LIG1: variants seen among roughly 807,000 people sequenced by gnomAD.
The protein encoded by LIG1 is ligase I, DNA, ATP-dependent.
A neutral mutation model predicts 115.7 loss-of-function variants in LIG1; 70 were observed. That is an observed-to-expected ratio of 0.60 (90% CI 0.50 to 0.74). The LOEUF is 0.74. Ranked by LOEUF, LIG1 falls within the 30% of genes least tolerant of loss-of-function variation. LIG1 has a pLI of 0.00. For missense variants in LIG1, 1,115 were observed against 1,225.6 expected (o/e 0.91, Z 1.35); for synonymous variants, 487 against 495.3 (o/e 0.98, Z 0.22).
intron 21 of LIG1, among the ~76,000 whole-genome samples, chr19:48,125,842 G>A (rs1009175320): frequency 1.3e-5 from 2 of 151,774 alleles, no homozygotes; most frequent in Admixed American, 6.6e-5. Context: ...CAAAAAATTC[G>A]CCAGGCGTGG....
chr19:48,116,165 C>T (rs1037227242), intron 26 of LIG1, 200 bp from the exon 27 acceptor site: 5 of 590,136 alleles, frequency 8.5e-6, no homozygotes, highest in Admixed American at 2.4e-5. Context: ...GCCTGTTGGC[C>T]GGGTGCGGTG....
At chr19:48,153,817 G>C in intron 6 of LIG1, 55 bp downstream of exon 6, 1 of 168,656 alleles carries the variant, frequency 5.9e-6, no homozygotes, top group South Asian at 5.0e-5. Context: ...CTTCCTCTTG[G>C]CTTCACACAC....
chr19:48,141,012 A>G (rs1200393656), intron 11 of LIG1, among the ~76,000 whole-genome samples: 2 of 152,192 alleles, frequency 1.3e-5, no homozygotes, highest in African/African-American at 4.8e-5. Flanking sequence ...AGGTGAACCC[A>G]CCGGACGGTT....
At chr19:48,134,344 TAC>T (rs1195997150) in intron 16 of LIG1, among the ~76,000 whole-genome samples, 3 of 152,162 alleles carry the variant, frequency 2.0e-5, no homozygotes, top group Non-Finnish European at 4.4e-5. Context: ...CACTCAAGAA[TAC>T]AGTTTTTAAA....
chr19:48,124,620 TCATCACACATTGAAAGGATAATATC>T (rs1434363860), intron 21 of LIG1, among the ~76,000 whole-genome samples: 1 of 152,238 alleles, frequency 6.6e-6, no homozygotes, highest in Non-Finnish European at 1.5e-5. Context: ...TTTCTTATAT[TCATCACACATTGAAAGGATAATATC>T]TTAGACATTG....
rs3730862 is a variant in LIG1, at chr19:48,161,541, G to A, written c.108-34C>T. 0.37 allele frequency: 588,554 copies of A among 1,609,750 alleles called. 112,434 individuals are homozygous for A. Among genetic ancestry groups the A allele is most frequent in the East Asian group, 0.56 (25,126 of 44,746 alleles). ...TGGGGAAATGGGGGTGTAAAGGGGC[G>A]ACTACAGCAGGCAGAGTGGGGGCAC... On this transcript the variant is annotated intron_variant, in intron 3 of 27. Transcript: ENST00000263274.
At chr19:48,148,078 C>T (rs1433084839) in intron 9 of LIG1, among the ~76,000 whole-genome samples, 4 of 140,218 alleles carry the variant, frequency 2.9e-5, no homozygotes, top group South Asian at 2.3e-4. Flanking sequence ...GAGAGGCACC[C>T]GGCTTCCCTA....
At chr19:48,133,300 G>A in intron 17 of LIG1, 1 of 595,844 alleles carries the variant, frequency 1.7e-6, no homozygotes, top group Non-Finnish European at 3.0e-6. Flanking sequence ...GAAAGGCCAT[G>A]TGATTGGAAC....
At chr19:48,138,512 C>T (rs377400770) in intron 12 of LIG1, among the ~76,000 whole-genome samples, 2 of 152,164 alleles carry the variant, frequency 1.3e-5, no homozygotes, top group Non-Finnish European at 2.9e-5. Context: ...ATGGGAGAGC[C>T]GACAGTGTGA....
intron 25 of LIG1, among the ~76,000 whole-genome samples, chr19:48,118,275 A>T (rs78608494): frequency 0.014 from 2,192 of 152,218 alleles, 62 homozygotes; most frequent in African/African-American, 0.049. Context: ...ATAGCTCCCA[A>T]AATCCCCATG....
chr19:48,143,415 T>C, intron 11 of LIG1, 128 bp downstream of exon 11: 1 of 872,020 alleles, frequency 1.1e-6, no homozygotes. Flanking sequence ...ACATCCATGA[T>C]CATACGCCCG....
intron 23 of LIG1, among the ~76,000 whole-genome samples, chr19:48,121,528 A>G (rs3731023): frequency 0.011 from 1,691 of 152,296 alleles, 38 homozygotes; most frequent in African/African-American, 0.037. Context: ...GGGGCCGGGC[A>G]CGGTGGCTCA....
intron 19 of LIG1, 58 bp from the exon 20 acceptor site, chr19:48,128,078 A>C (rs1239874063): frequency 7.5e-6 from 10 of 1,327,460 alleles, no homozygotes; most frequent in Non-Finnish European, 1.1e-5. Context: ...AGGTGGAAAG[A>C]CAAACACGGG....
chr19:48,169,044 GAAGCACTGATAC>G (rs2036624745), intron 1 of LIG1, among the ~76,000 whole-genome samples: 1 of 152,150 alleles, frequency 6.6e-6, no homozygotes, highest in South Asian at 2.1e-4. Context: ...AAAAAGAAAC[GAAGCACTGATAC>G]AAGCAACAAC....
chr19:48,116,083 G>A, intron 26 of LIG1, 118 bp from the exon 27 acceptor site: 2 of 761,436 alleles, frequency 2.6e-6, no homozygotes, highest in Non-Finnish European at 2.3e-6. Context: ...ACGATGGGTT[G>A]TCATAAGGAT....
At position 48,119,270 on chromosome 19, in the gene LIG1, A is replaced by C. The variant is rs1344713365; in HGVS notation, c.2386-80T>G. Reference sequence around the variant, plus strand: ...GCTCCTGCCATCTAAAGCTGTGTACACTCATGGCCCCCACCCCACTCTGGT... The same window carrying C: ...GCTCCTGCCATCTAAAGCTGTGTACCCTCATGGCCCCCACCCCACTCTGGT... On this transcript the variant is annotated intron_variant, in intron 24 of 27. Coordinates refer to ENST00000263274, the MANE Select transcript of LIG1 (RefSeq NM_000234.3). The C allele has an allele frequency of 3.5e-6, 4 of 1,150,800 alleles. No individual in the cohort carries two copies. The African/African-American group carries it at 6.2e-5, about 18-fold the overall frequency. The allele number at this position is 1,150,800 out of a possible 1,614,324, so 71.3% of individuals were successfully genotyped here. A position where few individuals can be genotyped will look rare whatever the true frequency, so the allele number is the denominator to read the frequency against.
intron 9 of LIG1, among the ~76,000 whole-genome samples, chr19:48,147,824 G>GA (rs5828335): frequency 0.3 from 44,846 of 149,474 alleles, 7,650 homozygotes; most frequent in East Asian, 0.55. Flanking sequence ...ATTGACTAGT[G>GA]AAAAAAAAAA....
rs755748769 is a variant in LIG1, at chr19:48,134,054, G to A, written c.1536C>T (p.Asp512=). The change falls in exon 17 of 28, where the codon GAC becomes GAT. Residue 512 remains aspartate, a synonymous_variant. Coordinates refer to ENST00000263274, the MANE Select transcript of LIG1 (RefSeq NM_000234.3). ...ILKQTFCEVP[D]LDRIIPVLLE... is the part of the protein sequence containing the mutation. ...GCAGCACGGGGATAATTCGGTCCAG[G>A]TCGGGAACCTCGCTGGGGTGGCGGG... 1 of 1,556,514 alleles carries A rather than the reference G, an allele frequency of 6.4e-7. No homozygotes were observed.
chr19:48,121,007 G>A, intron 24 of LIG1, 163 bp downstream of exon 24: 2 of 1,505,480 alleles, frequency 1.3e-6, no homozygotes, highest in Non-Finnish European at 1.8e-6. Context: ...TATGAAGCAA[G>A]AGTTGCTCAT....
Sources: gnomAD v4.1 joint callset for allele counts (sites outside exome capture counted in the v4.1 genomes callset) on GRCh38, gnomAD v4.1.1 for gene constraint, MANE v1.5 for transcripts, NCBI Gene and HGNC (gene_info 2026-07-23, HGNC 2026-07-21) for gene names.